The following UBE2E2 variants were observed in gnomAD, a reference collection of about 807,000 sequenced individuals.
The protein encoded by UBE2E2 is ubiquitin-conjugating enzyme E2 E2.
UBE2E2 carries 6 observed loss-of-function variants against 24.7 expected under a neutral mutation model. That is an observed-to-expected ratio of 0.24 (90% confidence interval 0.13 to 0.48). The LOEUF (loss-of-function observed/expected upper bound fraction) is 0.48, where lower values mean the gene tolerates loss of function less well. UBE2E2 is among the 20% of genes least tolerant of loss of function. The pLI, the probability that UBE2E2 is intolerant of heterozygous loss-of-function variation, is 0.99. For synonymous variants in UBE2E2, 104 were observed against 83.6 expected (o/e 1.24, Z -1.33); for missense variants, 169 against 245.0 (o/e 0.69, Z 2.07).
chr3:23,532,783 A>G, intron 5 of UBE2E2, 82 bp downstream of exon 5: 2 of 1,202,912 alleles, frequency 1.7e-6, no homozygotes, highest in Non-Finnish European at 2.2e-6. Context: ...TACTACTGCT[A>G]CTACCACTAC....
chr3:23,473,507 T>C (rs903420064), intron 3 of UBE2E2, among the ~76,000 whole-genome samples: 2 of 151,990 alleles, frequency 1.3e-5, no homozygotes, highest in African/African-American at 2.4e-5. Context: ...TAGTGGTGAT[T>C]TGTGAGACTG....
At chr3:23,536,286 G>T (rs1327898822) in intron 5 of UBE2E2, among the ~76,000 whole-genome samples, 1 of 152,184 alleles carries the variant, frequency 6.6e-6, no homozygotes, top group Non-Finnish European at 1.5e-5. Context: ...TAATCATTGT[G>T]AGAACACTGA....
chr3:23,583,319 T>G lies in UBE2E2; in HGVS notation c.509-6415T>G, dbSNP rs1696532221. 6.6e-6 allele frequency among the ~76,000 whole-genome samples: 1 copy of G among 152,254 alleles called. No individual in the cohort carries two copies. The highest frequency in any genetic ancestry group is 6.5e-5 in the Admixed American group (1 of 15,290). On this transcript the variant is annotated intron_variant, in intron 5 of 5. Transcript: ENST00000396703. The surrounding 1 kb of genome is among the most constrained non-coding windows in gnomAD (Gnocchi z 4.1). The stretch of plus-strand genomic sequence containing the variant: ...GTTTTTGTACCAGTATCATGCTGTT[T>G]TGGTTACTATAGCCTTGTAGTATGC...
chr3:23,574,510 C>G (rs1329065233), intron 5 of UBE2E2, among the ~76,000 whole-genome samples: 1 of 152,048 alleles, frequency 6.6e-6, no homozygotes, highest in Non-Finnish European at 1.5e-5. Context: ...ATATATACAC[C>G]TACTATGTAC....
intron 5 of UBE2E2, among the ~76,000 whole-genome samples, chr3:23,537,019 G>A (rs918084555): frequency 1.3e-5 from 2 of 152,148 alleles, no homozygotes; most frequent in East Asian, 1.9e-4. Flanking sequence ...ATTTCCCGTG[G>A]CATACAGTAC....
intron 5 of UBE2E2, among the ~76,000 whole-genome samples, chr3:23,561,863 GCT>G (rs1695939963): frequency 6.6e-6 from 1 of 151,804 alleles, no homozygotes; most frequent in South Asian, 2.1e-4. Flanking sequence ...TCATGATTTG[GCT>G]CTCTGTCTGT....
intron 3 of UBE2E2, among the ~76,000 whole-genome samples, chr3:23,220,597 A>T (rs1696604609): frequency 6.6e-6 from 1 of 152,216 alleles, no homozygotes; most frequent in Non-Finnish European, 1.5e-5. Context: ...TAACTGACCC[A>T]TGACATTTGC....
At chr3:23,343,483 G>A (rs1402967891) in intron 3 of UBE2E2, among the ~76,000 whole-genome samples, 1 of 152,166 alleles carries the variant, frequency 6.6e-6, no homozygotes, top group Non-Finnish European at 1.5e-5. Flanking sequence ...GGCTGAGGCA[G>A]GAGAATCGCT....
At chr3:23,504,516 C>T (rs952203037) in intron 4 of UBE2E2, among the ~76,000 whole-genome samples, 2 of 152,208 alleles carry the variant, frequency 1.3e-5, no homozygotes, top group East Asian at 1.9e-4. Flanking sequence ...ATTGACAAAT[C>T]GTGCTCCAGA....
intron 3 of UBE2E2, among the ~76,000 whole-genome samples, chr3:23,230,206 C>A (rs1189935326): frequency 2.0e-5 from 3 of 151,978 alleles, no homozygotes; most frequent in Non-Finnish European, 4.4e-5. Context: ...AATTTCTTAT[C>A]AAAATGAAAG....
intron 3 of UBE2E2, among the ~76,000 whole-genome samples, chr3:23,434,160 C>G (rs948919407): frequency 1.3e-5 from 2 of 151,982 alleles, no homozygotes; most frequent in Non-Finnish European, 2.9e-5. Flanking sequence ...TGTGGGTGTT[C>G]CGCTTATTTT....
intron 3 of UBE2E2, among the ~76,000 whole-genome samples, chr3:23,482,821 T>C (rs566727751): frequency 7.2e-5 from 11 of 152,346 alleles, no homozygotes; most frequent in African/African-American, 2.4e-4. Flanking sequence ...TAGTTGTCAC[T>C]AAGGTTAAAG....
intron 3 of UBE2E2, among the ~76,000 whole-genome samples, chr3:23,300,476 C>A (rs1286879692): frequency 6.6e-6 from 1 of 152,018 alleles, no homozygotes; most frequent in Non-Finnish European, 1.5e-5. Context: ...TAGGGCAGGC[C>A]TGGTGGTGAC....
intron 3 of UBE2E2, among the ~76,000 whole-genome samples, chr3:23,455,266 C>T (rs955125205): frequency 6.6e-6 from 1 of 152,132 alleles, no homozygotes; most frequent in Admixed American, 6.6e-5. Flanking sequence ...AGGTTCGGCT[C>T]GAGACCACAG....
chr3:23,426,743 T>C (rs990093695), intron 3 of UBE2E2, among the ~76,000 whole-genome samples: 3 of 152,166 alleles, frequency 2.0e-5, no homozygotes, highest in African/African-American at 7.2e-5. Flanking sequence ...TTAAAAGAAG[T>C]TCTTCAGAGA....
Position 23,555,997 on chromosome 3 carries a change from A to G in UBE2E2, c.508+23296A>G, listed in dbSNP as rs150525894. Among the ~76,000 whole-genome samples, 85 of 152,174 alleles carry G rather than the reference A, an allele frequency of 5.6e-4. 3 individuals carry two copies. The East Asian group carries it at 0.015, about 27-fold the overall frequency. On this transcript the variant is annotated intron_variant, in intron 5 of 5. Coordinates refer to ENST00000396703, the MANE Select transcript of UBE2E2 (RefSeq NM_152653.4). ...TCAGGATTTTTTTCTAAATGAGTAG[A>G]TTATAGCTGTCTTGCCATGGGGGTG... is the stretch of plus-strand genomic sequence containing the variant.
intron 2 of UBE2E2, among the ~76,000 whole-genome samples, chr3:23,216,132 C>A (rs147404918): frequency 5.9e-5 from 9 of 152,082 alleles, no homozygotes; most frequent in Admixed American, 5.9e-4. Context: ...AGCAGAATTA[C>A]AATGACATTT....
chr3:23,411,021 A>G (rs900937978), intron 3 of UBE2E2, among the ~76,000 whole-genome samples: 14 of 152,318 alleles, frequency 9.2e-5, no homozygotes, highest in South Asian at 6.2e-4. Flanking sequence ...TCATTGAACA[A>G]ATTAAAAAAA....
chr3:23,567,106 G>C (rs1696093095), intron 5 of UBE2E2, among the ~76,000 whole-genome samples: 1 of 152,152 alleles, frequency 6.6e-6, no homozygotes, highest in Non-Finnish European at 1.5e-5. Flanking sequence ...TACCCAGTGG[G>C]TTAATGCTTC....
Sources: allele counts gnomAD v4.1 joint callset (sites outside exome capture counted in the v4.1 genomes callset), GRCh38; gene constraint gnomAD v4.1.1; non-coding constraint Gnocchi (gnomAD v3.1); transcripts MANE v1.5; gene names NCBI Gene and HGNC (gene_info 2026-07-23, HGNC 2026-07-21).